GRM8: variants seen among roughly 807,000 people sequenced by gnomAD.
GRM8 encodes the protein glutamate metabotropic receptor 8.
A neutral mutation model predicts 87.2 loss-of-function variants in GRM8; 47 were observed. That is an observed-to-expected ratio of 0.54 (90% CI 0.43 to 0.69). The LOEUF is 0.69. GRM8 is among the 30% of genes least tolerant of loss of function. The probability of loss-of-function intolerance (pLI) is 0.00; values close to 1 mark genes in which losing one functional copy is unlikely to be tolerated. For missense variants in GRM8, 1,019 were observed against 1,139.2 expected, an observed-to-expected ratio of 0.89 and a Z score of 1.52; for synonymous variants, 396 against 404.5, an observed-to-expected ratio of 0.98 and a Z score of 0.25.
At chr7:127,143,556 T>G (rs1051199357) in intron 2 of GRM8, among the ~76,000 whole-genome samples, 1 of 152,084 alleles carries the variant, frequency 6.6e-6, no homozygotes, top group Non-Finnish European at 1.5e-5. Flanking sequence ...GACGACCCTG[T>G]GAGGGAGAAA....
chr7:127,028,335 A>T (rs1817007572), intron 3 of GRM8, among the ~76,000 whole-genome samples: 1 of 152,164 alleles, frequency 6.6e-6, no homozygotes, highest in African/African-American at 2.4e-5. Context: ...TGTCAGGATG[A>T]TGCTGGCCTC....
chr7:127,091,943 T>A (rs1398863809), intron 3 of GRM8, among the ~76,000 whole-genome samples: 3 of 47,146 alleles, frequency 6.4e-5, no homozygotes, highest in African/African-American at 9.5e-5. Flanking sequence ...GCCATCCCAC[T>A]GGTCATCCCC....
At chr7:127,159,535 A>C (rs1792960140) in intron 2 of GRM8, among the ~76,000 whole-genome samples, 1 of 152,038 alleles carries the variant, frequency 6.6e-6, no homozygotes, top group East Asian at 1.9e-4. Flanking sequence ...GCTGGAATAA[A>C]TACATGGCAA....
chr7:126,557,977 GAATTAA>G (rs1793325171), intron 8 of GRM8, among the ~76,000 whole-genome samples: 8 of 74,814 alleles, frequency 1.1e-4, no homozygotes, highest in Admixed American at 1.0e-3. Context: ...ATAATTTTTA[GAATTAA>G]AATTAACATA....
chr7:126,863,110 A>G (rs1798279618), intron 6 of GRM8, among the ~76,000 whole-genome samples: 2 of 152,082 alleles, frequency 1.3e-5, no homozygotes, highest in African/African-American at 2.4e-5. Flanking sequence ...GGAAACTTCA[A>G]TTGAAGTGAT....
At chr7:126,691,582 GC>G (rs1808819405) in intron 7 of GRM8, among the ~76,000 whole-genome samples, 1 of 152,172 alleles carries the variant, frequency 6.6e-6, no homozygotes. Context: ...CATGGCAACA[GC>G]CACTCCAGAC....
intron 9 of GRM8, among the ~76,000 whole-genome samples, chr7:126,489,495 A>G (rs1327443090): frequency 1.3e-5 from 2 of 152,074 alleles, no homozygotes; most frequent in Non-Finnish European, 2.9e-5. Flanking sequence ...TAATCCACAT[A>G]AAGCAAAGAC....
At chr7:127,035,728 A>G (rs987325041) in intron 3 of GRM8, among the ~76,000 whole-genome samples, 3 of 152,144 alleles carry the variant, frequency 2.0e-5, no homozygotes, top group African/African-American at 7.2e-5. Context: ...ATGTTTCTTA[A>G]TCCCCACAGA....
chr7:127,028,027 T>G (rs1816966899), intron 3 of GRM8, among the ~76,000 whole-genome samples: 1 of 152,220 alleles, frequency 6.6e-6, no homozygotes, highest in Non-Finnish European at 1.5e-5. Flanking sequence ...TATTGAGAAT[T>G]TTTAGCATGA....
chr7:126,969,939 A>C (rs574394431), intron 3 of GRM8, among the ~76,000 whole-genome samples: 1 of 152,268 alleles, frequency 6.6e-6, no homozygotes, highest in South Asian at 2.1e-4. Context: ...GTGTATGTCC[A>C]TCTGAGCCCT....
chr7:126,701,796 G>T, intron 7 of GRM8: 1 of 1,292,926 alleles, frequency 7.7e-7, no homozygotes, highest in Non-Finnish European at 1.0e-6. Flanking sequence ...GAGTTGGCCA[G>T]GGTAGAGACA....
At chr7:126,449,675 G>C (rs2150478297) in intron 9 of GRM8, among the ~76,000 whole-genome samples, 1 of 151,824 alleles carries the variant, frequency 6.6e-6, no homozygotes, top group Non-Finnish European at 1.5e-5. Context: ...TTACTGCCTG[G>C]GCCACATGCT....
At chr7:126,447,593 A>C (rs1802156239) in intron 9 of GRM8, among the ~76,000 whole-genome samples, 1 of 151,906 alleles carries the variant, frequency 6.6e-6, no homozygotes, top group East Asian at 1.9e-4. Flanking sequence ...CTTTTAAATA[A>C]AGAATCAAAA....
At chr7:126,593,445 C>T (rs1487436938) in intron 8 of GRM8, among the ~76,000 whole-genome samples, 1 of 151,840 alleles carries the variant, frequency 6.6e-6, no homozygotes, top group African/African-American at 2.4e-5. Flanking sequence ...GAAATAAATC[C>T]ATACATTTAC....
intron 3 of GRM8, among the ~76,000 whole-genome samples, chr7:127,062,130 CA>C (rs1820651834): frequency 8.4e-6 from 1 of 119,694 alleles, no homozygotes; most frequent in African/African-American, 3.3e-5. Flanking sequence ...GGCAACAGAG[CA>C]AGACTCCATC....
chr7:127,232,668 G>A (rs914146368), intron 2 of GRM8, among the ~76,000 whole-genome samples: 1 of 152,112 alleles, frequency 6.6e-6, no homozygotes, highest in African/African-American at 2.4e-5. Flanking sequence ...CACTCAAAAT[G>A]AATATCCTCT....
At chr7:126,443,724 G>C (rs973188076) in intron 10 of GRM8, among the ~76,000 whole-genome samples, 1 of 151,676 alleles carries the variant, frequency 6.6e-6, no homozygotes. Context: ...AATATTATAG[G>C]CTTACCCTCC....
intron 2 of GRM8, among the ~76,000 whole-genome samples, chr7:127,173,997 T>A (rs1793956990): frequency 6.6e-6 from 1 of 152,170 alleles, no homozygotes; most frequent in African/African-American, 2.4e-5. Flanking sequence ...ATAAATTAAA[T>A]TAGCCCTTAA....
intron 1 of GRM8, among the ~76,000 whole-genome samples, chr7:127,249,519 C>G (rs1798750979): frequency 6.6e-6 from 1 of 152,198 alleles, no homozygotes; most frequent in Admixed American, 6.5e-5. Flanking sequence ...CAGTACCTCT[C>G]AAATCATTCC....
Sources: gnomAD v4.1 joint callset for allele counts (sites outside exome capture counted in the v4.1 genomes callset) on GRCh38, gnomAD v4.1.1 for gene constraint, MANE v1.5 for transcripts, NCBI Gene and HGNC (gene_info 2026-07-23, HGNC 2026-07-21) for gene names.